The following CHCHD3 variants were observed in gnomAD, a reference collection of about 807,000 sequenced individuals.
The protein encoded by CHCHD3 is coiled-coil-helix-coiled-coil-helix domain containing 3.
In CHCHD3, 20 loss-of-function variants were observed where a neutral mutation model predicts 38.2. The ratio of observed to expected loss-of-function variants is 0.52; its 90% CI spans 0.37 to 0.76. CHCHD3 has a LOEUF of 0.76. Among genes scored for constraint, CHCHD3 ranks in the 30% least tolerant of loss-of-function variants. CHCHD3 has a pLI of 0.00. For synonymous variants in CHCHD3, 82 were observed against 100.0 expected (o/e 0.82, Z 1.07); for missense variants, 245 against 279.2 (o/e 0.88, Z 0.87).
intron 5 of CHCHD3, chr7:132,849,119 G>A (rs914262095): frequency 6.6e-6 from 1 of 152,186 alleles, no homozygotes; most frequent in Non-Finnish European, 1.5e-5. Context: ...GTGGGACTAT[G>A]TAAGTTCAGT....
At position 132,784,968 on chromosome 7, in the gene CHCHD3, A is replaced by C. The variant is rs1313961864; in HGVS notation, c.*669T>G. On this transcript the variant is annotated 3_prime_UTR_variant, in exon 8 of 8. Coordinates refer to ENST00000262570, the MANE Select transcript of CHCHD3 (RefSeq NM_017812.4). ...AGCCAAGGTTGCCTTCATATTGATA[A>C]AAATACCTTATCTCACTTGTAATCA... 1 of 152,642 alleles carries C rather than the reference A, an allele frequency of 6.6e-6. No homozygotes were observed. Among genetic ancestry groups the C allele is most frequent in the Non-Finnish European group, 1.5e-5 (1 of 68,036 alleles). The allele number at this position is 152,642 out of a possible 1,614,324, so 9.5% of individuals were successfully genotyped here.
chr7:132,785,557 T>C lies in CHCHD3; in HGVS notation c.*80A>G. On this transcript the variant is annotated 3_prime_UTR_variant, in exon 8 of 8. Transcript: ENST00000262570. The stretch of plus-strand genomic sequence containing the variant: ...TCTCATTAGTGGTCTTCTCTTCAAA[T>C]GGGTTGTTTTCTCACTAGGAAAAAA... 1.4e-6 allele frequency: 2 copies of C among 1,379,734 alleles called. No homozygotes were observed. The highest frequency in any genetic ancestry group is 2.1e-4 in the Middle Eastern group (1 of 4,696). The allele number at this position is 1,379,734 out of a possible 1,614,324, so 85.5% of individuals were successfully genotyped here. A position where few individuals can be genotyped will look rare whatever the true frequency, so the allele number is the denominator to read the frequency against.
intron 6 of CHCHD3, among the ~76,000 whole-genome samples, chr7:132,809,577 TCACAAGGTA>T (rs1807013727): frequency 6.6e-6 from 1 of 152,172 alleles, no homozygotes; most frequent in Non-Finnish European, 1.5e-5. Flanking sequence ...CCCTGCCTCC[TCACAAGGTA>T]TTACTTGTGA....
At chr7:132,839,231 T>G (rs1807878053) in intron 5 of CHCHD3, among the ~76,000 whole-genome samples, 1 of 151,920 alleles carries the variant, frequency 6.6e-6, no homozygotes, top group African/African-American at 2.4e-5. Context: ...GCTTAAGTTG[T>G]TCTATCATTT....
At chr7:132,931,911 T>C (rs1265007598) in intron 4 of CHCHD3, among the ~76,000 whole-genome samples, 2 of 152,142 alleles carry the variant, frequency 1.3e-5, no homozygotes, top group Admixed American at 1.3e-4. Flanking sequence ...GGAAATATAA[T>C]GCAGCTTTAC....
chr7:133,030,318 A>G (rs1234496044), intron 2 of CHCHD3, among the ~76,000 whole-genome samples: 4 of 152,208 alleles, frequency 2.6e-5, no homozygotes, highest in East Asian at 1.9e-4. Context: ...CAGCATTTGG[A>G]GACCACTATT....
intron 3 of CHCHD3, among the ~76,000 whole-genome samples, chr7:132,988,900 C>T (rs1270412352): frequency 1.3e-5 from 2 of 151,976 alleles, no homozygotes; most frequent in African/African-American, 2.4e-5. Flanking sequence ...GCCTGGGCAA[C>T]AGAATGAAAC....
intron 3 of CHCHD3, among the ~76,000 whole-genome samples, chr7:133,022,823 C>A (rs1813226576): frequency 7.5e-6 from 1 of 134,082 alleles, no homozygotes; most frequent in African/African-American, 2.8e-5. Flanking sequence ...TGAGCCAAGG[C>A]AGAGCAAATG....
intron 2 of CHCHD3, among the ~76,000 whole-genome samples, chr7:133,038,104 G>A (rs2117475181): frequency 6.6e-6 from 1 of 152,248 alleles, no homozygotes; most frequent in Middle Eastern, 3.4e-3. Context: ...AAGAGAGTTG[G>A]CTGGGATTAA....
At chr7:132,806,898 A>G (rs1281069830) in intron 6 of CHCHD3, among the ~76,000 whole-genome samples, 1 of 152,200 alleles carries the variant, frequency 6.6e-6, no homozygotes, top group African/African-American at 2.4e-5. Context: ...AAAGAAGGGC[A>G]GGCAGAAAGG....
chr7:132,917,078 G>C (rs1485996956), intron 4 of CHCHD3, among the ~76,000 whole-genome samples: 21 of 152,176 alleles, frequency 1.4e-4, no homozygotes, highest in Admixed American at 1.4e-3. Flanking sequence ...CTGAATCCAA[G>C]TTTATGACTG....
rs1470141910 is a variant in CHCHD3, at chr7:132,985,711, G to A, written c.252-10425C>T. 1.1e-4 allele frequency among the ~76,000 whole-genome samples: 9 copies of A among 82,498 alleles called. 3 individuals are homozygous for A. Among genetic ancestry groups the A allele is most frequent in the Non-Finnish European group, 1.5e-4 (6 of 40,394 alleles). 54.1% of individuals were successfully genotyped at this position (82,498 alleles called of 152,430 possible). On this transcript the variant is annotated intron_variant, in intron 3 of 7. Coordinates refer to ENST00000262570, the MANE Select transcript of CHCHD3 (RefSeq NM_017812.4). ...GGGTCAGCCCCCCGCCCGGCCAGCC[G>A]CCCCATCCGGGAGGGAGGAGGGGAG...
chr7:133,081,288 G>C (rs1361446754), intron 1 of CHCHD3, among the ~76,000 whole-genome samples: 1 of 151,684 alleles, frequency 6.6e-6, no homozygotes, highest in Non-Finnish European at 1.5e-5. Flanking sequence ...GATATCAAGT[G>C]AAAGTGAAGC....
At chr7:133,059,068 A>G (rs563653456) in intron 2 of CHCHD3, among the ~76,000 whole-genome samples, 1 of 152,288 alleles carries the variant, frequency 6.6e-6, no homozygotes, top group African/African-American at 2.4e-5. Flanking sequence ...CAAAGTCCCT[A>G]GACTTCAAAG....
At chr7:132,842,811 T>C (rs536735534) in intron 5 of CHCHD3, among the ~76,000 whole-genome samples, 1 of 152,306 alleles carries the variant, frequency 6.6e-6, no homozygotes, top group Admixed American at 6.5e-5. Context: ...ATCTTTTTAT[T>C]GAGGTTGACC....
intron 4 of CHCHD3, among the ~76,000 whole-genome samples, chr7:132,888,220 C>T (rs1809264884): frequency 6.6e-6 from 1 of 151,676 alleles, no homozygotes; most frequent in East Asian, 1.9e-4. Flanking sequence ...ACAGAGGTTA[C>T]AGCAGACTGG....
At chr7:132,929,133 C>A (rs1810456993) in intron 4 of CHCHD3, among the ~76,000 whole-genome samples, 1 of 152,122 alleles carries the variant, frequency 6.6e-6, no homozygotes, top group Non-Finnish European at 1.5e-5. Flanking sequence ...TGGCTTTTCC[C>A]TTTTCCTCTT....
At chr7:132,990,722 G>A (rs1223235162) in intron 3 of CHCHD3, among the ~76,000 whole-genome samples, 4 of 152,098 alleles carry the variant, frequency 2.6e-5, no homozygotes, top group African/African-American at 9.7e-5. Context: ...TTGAAATTAT[G>A]TTCATTGATA....
chr7:133,010,019 GA>G (rs11338368), intron 3 of CHCHD3, among the ~76,000 whole-genome samples: 54,904 of 151,902 alleles, frequency 0.36, 10,073 homozygotes, highest in Admixed American at 0.41. Context: ...ATCAGAAAAT[GA>G]AAGCCAATTA....
Sources: gnomAD v4.1 joint callset for allele counts (sites outside exome capture counted in the v4.1 genomes callset) on GRCh38, gnomAD v4.1.1 for gene constraint, MANE v1.5 for transcripts, NCBI Gene and HGNC (gene_info 2026-07-23, HGNC 2026-07-21) for gene names.